The following WDR7 variants were observed in gnomAD, a reference collection of about 807,000 sequenced individuals.
The protein encoded by WDR7 is WD repeat domain 7.
Under a neutral mutation model 169.4 loss-of-function variants are expected in WDR7, and 46 were observed. That is an observed-to-expected ratio of 0.27 (90% CI 0.21 to 0.35). The LOEUF (loss-of-function observed/expected upper bound fraction) is 0.35, where lower values mean the gene tolerates loss of function less well. WDR7 is among the 10% of genes least tolerant of loss of function. The probability of loss-of-function intolerance (pLI) is 1.00; values close to 1 mark genes in which losing one functional copy is unlikely to be tolerated. For missense variants in WDR7, 1,534 were observed against 1,859.3 expected (o/e 0.83, Z 3.22); for synonymous variants, 612 against 666.8 (o/e 0.92, Z 1.27).
chr18:56,892,184 G>A (rs2046272713), intron 21 of WDR7, among the ~76,000 whole-genome samples: 1 of 151,940 alleles, frequency 6.6e-6, no homozygotes, highest in South Asian at 2.1e-4. Flanking sequence ...CTATTTCTAA[G>A]GCCATTTCCA....
intron 14 of WDR7, among the ~76,000 whole-genome samples, chr18:56,746,380 G>A (rs919209177): frequency 8.5e-5 from 13 of 152,176 alleles, no homozygotes; most frequent in Middle Eastern, 3.2e-3. Flanking sequence ...TAGAAAGGAC[G>A]GGGTAGGAAA....
intron 26 of WDR7, among the ~76,000 whole-genome samples, chr18:56,971,263 G>C (rs2047480550): frequency 6.9e-6 from 1 of 144,944 alleles, no homozygotes; most frequent in Non-Finnish European, 1.5e-5. Context: ...TGAGCGACAA[G>C]AGCGAAATTC....
At chr18:56,864,113 T>G (rs1005554246) in intron 20 of WDR7, among the ~76,000 whole-genome samples, 4 of 151,792 alleles carry the variant, frequency 2.6e-5, no homozygotes, top group African/African-American at 9.7e-5. Context: ...TGAAATTTTA[T>G]GTTGTGCTCT....
chr18:57,033,478 T>A (rs1472191458), downstream of WDR7: 1 of 152,216 alleles, frequency 6.6e-6, no homozygotes, highest in Non-Finnish European at 1.5e-5. Flanking sequence ...AAAACCAGAC[T>A]CCTTTGTCAA....
chr18:56,733,322 T>C (rs555441910), intron 14 of WDR7, among the ~76,000 whole-genome samples: 1 of 152,300 alleles, frequency 6.6e-6, no homozygotes, highest in East Asian at 1.9e-4. Context: ...TTTCTCTAAC[T>C]ATTTTCTCAT....
At chr18:56,778,608 C>A (rs2044273225) in intron 17 of WDR7, among the ~76,000 whole-genome samples, 1 of 152,052 alleles carries the variant, frequency 6.6e-6, no homozygotes, top group Non-Finnish European at 1.5e-5. Context: ...TTTTCACATA[C>A]CTTTAAAATG....
chr18:56,797,039 C>G (rs970090249), intron 19 of WDR7, among the ~76,000 whole-genome samples: 3 of 152,154 alleles, frequency 2.0e-5, no homozygotes, highest in African/African-American at 4.8e-5. Context: ...CTTTCTTTCC[C>G]TCCCTGAGGC....
intron 26 of WDR7, among the ~76,000 whole-genome samples, chr18:56,965,779 C>T (rs866814462): frequency 6.6e-6 from 1 of 151,924 alleles, no homozygotes; most frequent in Non-Finnish European, 1.5e-5. Context: ...GAGGAAGAGT[C>T]AACTAATTTA....
At chr18:56,803,614 A>G (rs996001800) in intron 19 of WDR7, among the ~76,000 whole-genome samples, 3 of 152,136 alleles carry the variant, frequency 2.0e-5, no homozygotes, top group Non-Finnish European at 4.4e-5. Flanking sequence ...TGAAATGGAG[A>G]AAAAAAGCTG....
chr18:56,859,100 C>T (rs2045765985), intron 20 of WDR7, among the ~76,000 whole-genome samples: 1 of 152,140 alleles, frequency 6.6e-6, no homozygotes, highest in Admixed American at 6.6e-5. Context: ...AGGGACCTCT[C>T]TGGGGTGACA....
chr18:57,010,367 T>G (rs1005185910), intron 26 of WDR7: 16 of 866,856 alleles, frequency 1.8e-5, no homozygotes, highest in Non-Finnish European at 2.2e-5. Context: ...TTTATCTAAA[T>G]TATATTAGTA....
chr18:56,833,079 T>TAAG (rs1377699746), intron 20 of WDR7, among the ~76,000 whole-genome samples: 1 of 151,776 alleles, frequency 6.6e-6, no homozygotes, highest in Admixed American at 6.6e-5. Context: ...ACAAGGAAGC[T>TAAG]AAGAACCTTG....
intron 26 of WDR7, among the ~76,000 whole-genome samples, chr18:56,976,663 G>A (rs1354725108): frequency 2.0e-5 from 3 of 152,100 alleles, no homozygotes; most frequent in African/African-American, 7.2e-5. Flanking sequence ...CCTATGCAGA[G>A]GATACCATCC....
chr18:56,841,867 C>G (rs1599092292), intron 20 of WDR7, among the ~76,000 whole-genome samples: 2 of 152,064 alleles, frequency 1.3e-5, no homozygotes, highest in South Asian at 4.1e-4. Context: ...TGTATGTGTG[C>G]ATGCAGAGAT....
At chr18:56,914,072 C>T (rs1321579486) in intron 21 of WDR7, among the ~76,000 whole-genome samples, 1 of 152,170 alleles carries the variant, frequency 6.6e-6, no homozygotes, top group Non-Finnish European at 1.5e-5. Context: ...ATGATCCATC[C>T]CGCAGCTACC....
intron 14 of WDR7, 121 bp from the exon 15 acceptor site, chr18:56,756,462 A>G (rs2043890325): frequency 1.2e-6 from 1 of 860,700 alleles, no homozygotes; most frequent in Non-Finnish European, 1.7e-6. Context: ...TTCATGATAT[A>G]GGTTCCTAGA....
chr18:56,951,077 T>C (rs892330961), intron 25 of WDR7, among the ~76,000 whole-genome samples: 1 of 152,172 alleles, frequency 6.6e-6, no homozygotes, highest in Non-Finnish European at 1.5e-5. Flanking sequence ...CCTCCAGATA[T>C]TGACGAAGCC....
chr18:56,744,047 C>T (rs567081700), intron 14 of WDR7, among the ~76,000 whole-genome samples: 1 of 151,850 alleles, frequency 6.6e-6, no homozygotes, highest in East Asian at 2.0e-4. Flanking sequence ...GTCAGGAGAT[C>T]GAGACCATGG....
At chr18:56,825,205 A>G (rs1202611763) in intron 20 of WDR7, among the ~76,000 whole-genome samples, 1 of 152,234 alleles carries the variant, frequency 6.6e-6, no homozygotes, top group Non-Finnish European at 1.5e-5. Flanking sequence ...CTTGGCACCA[A>G]ATCTTTCATA....
Sources: gnomAD v4.1 joint callset for allele counts (sites outside exome capture counted in the v4.1 genomes callset) on GRCh38, gnomAD v4.1.1 for gene constraint, MANE v1.5 for transcripts, NCBI Gene and HGNC (gene_info 2026-07-23, HGNC 2026-07-21) for gene names.